Variants in CACNB2 observed in about 807,000 individuals in gnomAD.
The protein encoded by CACNB2 is calcium voltage-gated channel auxiliary subunit beta 2, also known as voltage-dependent L-type calcium channel subunit beta-2.
CACNB2 carries 42 observed loss-of-function variants against 73.3 expected under a neutral mutation model. The ratio of observed to expected loss-of-function variants is 0.57; its 90% CI spans 0.45 to 0.74. The LOEUF (loss-of-function observed/expected upper bound fraction) is 0.74. Among genes scored for constraint, CACNB2 ranks in the 30% least tolerant of loss-of-function variants. The pLI is 0.00. For missense variants in CACNB2, 940 were observed against 853.0 expected (o/e 1.10, Z -1.27); for synonymous variants, 348 against 310.3 (o/e 1.12, Z -1.28).
chr10:18,346,738 A>AG (rs2041474294), intron 2 of CACNB2, among the ~76,000 whole-genome samples: 2 of 151,964 alleles, frequency 1.3e-5, no homozygotes, highest in African/African-American at 4.8e-5. Flanking sequence ...CTGGGACTAC[A>AG]GGCATGTGCC....
chr10:18,438,910 G>A (rs2046282216), intron 3 of CACNB2, among the ~76,000 whole-genome samples: 1 of 152,226 alleles, frequency 6.6e-6, no homozygotes, highest in Non-Finnish European at 1.5e-5. Flanking sequence ...TTCCAAAGCA[G>A]AACACATCAG....
intron 2 of CACNB2, among the ~76,000 whole-genome samples, chr10:18,265,477 C>G (rs1318959082): frequency 6.6e-6 from 1 of 152,116 alleles, no homozygotes; most frequent in Non-Finnish European, 1.5e-5. Flanking sequence ...TATCTTGCTT[C>G]TTTTTGTCTT....
At chr10:18,477,043 C>T (rs1420732912) in intron 3 of CACNB2, among the ~76,000 whole-genome samples, 2 of 151,556 alleles carry the variant, frequency 1.3e-5, no homozygotes, top group African/African-American at 2.4e-5. Context: ...ATACAGTTCT[C>T]ATCTGCCACA....
At chr10:18,396,848 CA>C (rs1235696952) in intron 2 of CACNB2, among the ~76,000 whole-genome samples, 1 of 152,152 alleles carries the variant, frequency 6.6e-6, no homozygotes, top group Non-Finnish European at 1.5e-5. Context: ...TCGTCCTATG[CA>C]TGAGGAGGTG....
At chr10:18,347,958 G>T (rs10764427) in intron 2 of CACNB2, among the ~76,000 whole-genome samples, 22,134 of 151,598 alleles carry the variant, frequency 0.15, 1,770 homozygotes, top group Middle Eastern at 0.22. Context: ...TTTACAGTGG[G>T]CTGTGAATAA....
intron 2 of CACNB2, among the ~76,000 whole-genome samples, chr10:18,385,383 C>T (rs1381066634): frequency 1.5e-5 from 2 of 137,720 alleles, no homozygotes; most frequent in South Asian, 2.4e-4. Context: ...CCTCGCCCCC[C>T]ACAGGTTTTA....
chr10:18,192,482 G>A (rs1304196207), intron 2 of CACNB2, among the ~76,000 whole-genome samples: 4 of 152,038 alleles, frequency 2.6e-5, no homozygotes, highest in African/African-American at 9.7e-5. Context: ...CAAAGCACTG[G>A]TATTACAGGT....
chr10:18,150,421 TG>T (rs2031406490), intron 1 of CACNB2, among the ~76,000 whole-genome samples: 1 of 152,212 alleles, frequency 6.6e-6, no homozygotes, highest in Admixed American at 6.5e-5. Flanking sequence ...CCTAACACTT[TG>T]GGAGGCCAAG....
rs115467353 is a variant in CACNB2, at chr10:18,426,867, A to G, written c.333+24824A>G. On this transcript the variant is annotated intron_variant, in intron 3 of 13. Coordinates refer to ENST00000324631, the MANE Select transcript of CACNB2 (RefSeq NM_201596.3). ...TTCTATAGAGGTACTTTAGCATGTTAAGGAAGTTTTCTTCTATTTCTAGTT... is the reference window on the plus strand; with the variant it reads ...TTCTATAGAGGTACTTTAGCATGTTGAGGAAGTTTTCTTCTATTTCTAGTT... Among the ~76,000 whole-genome samples the G allele has an allele frequency of 7.7e-3, 1,169 of 151,758 alleles. 23 individuals carry two copies. Among genetic ancestry groups the G allele is most frequent in the African/African-American group, 0.027 (1,109 of 41,370 alleles).
chr10:18,386,693 A>T (rs12782600), intron 2 of CACNB2, among the ~76,000 whole-genome samples: 104 of 152,330 alleles, frequency 6.8e-4, no homozygotes, highest in African/African-American at 2.3e-3. Flanking sequence ...GGCGTGAGCC[A>T]CTGCGCCCTG....
chr10:18,177,570 C>T (rs1244760259), intron 2 of CACNB2, among the ~76,000 whole-genome samples: 1 of 149,718 alleles, frequency 6.7e-6, no homozygotes, highest in African/African-American at 2.5e-5. Flanking sequence ...CACAGCAAGA[C>T]TCCATCTCAA....
intron 2 of CACNB2, among the ~76,000 whole-genome samples, chr10:18,154,392 C>G (rs2031863513): frequency 6.6e-6 from 1 of 151,958 alleles, no homozygotes; most frequent in Non-Finnish European, 1.5e-5. Context: ...GCGCAGACAC[C>G]CAGTGTGACT....
chr10:18,210,985 A>G (rs1469581057), intron 2 of CACNB2, among the ~76,000 whole-genome samples: 1 of 152,158 alleles, frequency 6.6e-6, no homozygotes, highest in African/African-American at 2.4e-5. Context: ...GTATACATGG[A>G]CACCATTGGA....
intron 2 of CACNB2, among the ~76,000 whole-genome samples, chr10:18,299,265 A>G (rs771068197): frequency 2.0e-5 from 3 of 152,126 alleles, no homozygotes; most frequent in Non-Finnish European, 2.9e-5. Context: ...TCTGGATTGG[A>G]CAATACATGG....
At chr10:18,363,277 G>A (rs1439260928) in intron 2 of CACNB2, among the ~76,000 whole-genome samples, 1 of 152,176 alleles carries the variant, frequency 6.6e-6, no homozygotes, top group African/African-American at 2.4e-5. Flanking sequence ...CTCTCAACAG[G>A]ATGGATGGCT....
chr10:18,232,484 C>G (rs2036260379), intron 2 of CACNB2, among the ~76,000 whole-genome samples: 1 of 152,122 alleles, frequency 6.6e-6, no homozygotes, highest in African/African-American at 2.4e-5. Flanking sequence ...TAATTGAAAT[C>G]TCAAATTCAT....
Position 18,341,247 on chromosome 10 carries a change from T to C in CACNB2, c.214-60677T>C, listed in dbSNP as rs138372212. 2.5e-3 allele frequency among the ~76,000 whole-genome samples: 384 copies of C among 152,292 alleles called. 2 individuals carry two copies. The highest frequency in any genetic ancestry group is 9.0e-3 in the African/African-American group (373 of 41,574). On this transcript the variant is annotated intron_variant, in intron 2 of 13. Transcript: ENST00000324631. ...GAGAGAGTCCCGGTGCAGACAAATT[T>C]AGTGGAAAATGAAAATGCTTTTTCC...
chr10:18,463,749 C>T (rs2132695359), intron 3 of CACNB2, among the ~76,000 whole-genome samples: 1 of 152,156 alleles, frequency 6.6e-6, no homozygotes, highest in Admixed American at 6.6e-5. Context: ...TCCTATCCTG[C>T]AGCATCTAGT....
chr10:18,338,239 A>G (rs1315714606), intron 2 of CACNB2, among the ~76,000 whole-genome samples: 1 of 152,240 alleles, frequency 6.6e-6, no homozygotes, highest in African/African-American at 2.4e-5. Flanking sequence ...CTGATTTTAA[A>G]ATGTATGAAG....
Sources: allele counts gnomAD v4.1 joint callset (sites outside exome capture counted in the v4.1 genomes callset), GRCh38; gene constraint gnomAD v4.1.1; transcripts MANE v1.5; gene names NCBI Gene and HGNC (gene_info 2026-07-23, HGNC 2026-07-21).